PC: variants seen among roughly 807,000 people sequenced by gnomAD.
The protein encoded by PC is pyruvate carboxylase, mitochondrial.
Under a neutral mutation model 107.8 loss-of-function variants are expected in PC, and 46 were observed. That is an observed-to-expected ratio of 0.43 (90% CI 0.34 to 0.55). The LOEUF (loss-of-function observed/expected upper bound fraction) is 0.55. Ranked by LOEUF, PC falls within the 20% of genes least tolerant of loss-of-function variation. The pLI, the probability that PC is intolerant of heterozygous loss-of-function variation, is 0.04. For missense variants in PC, 1,241 were observed against 1,643.1 expected (o/e 0.76, Z 4.23); for synonymous variants, 662 against 684.7 (o/e 0.97, Z 0.52).
Position 66,872,119 on chromosome 11 carries a change from A to G in PC, c.41T>C (p.Leu14Pro), listed in dbSNP as rs754402090. 8 of 1,578,672 alleles carry G rather than the reference A, an allele frequency of 5.1e-6. No individual in the cohort carries two copies. In the South Asian group the frequency reaches 9.3e-5, roughly 18 times the overall value. Reference protein sequence around the residue: ...FRTVHGGLRLLGIRRTSTAPA... With the variant: ...FRTVHGGLRLPGIRRTSTAPA... ...GGCGGTGGAGGTTCGGCGGATTCCC[A>G]GGAGCCTCAGGCCCCCATGGACTGT... is the stretch of plus-strand genomic sequence containing the variant. The change falls in exon 4 of 23, where the codon CTG (leucine) becomes CCG (proline). Residue 14 changes from leucine to proline, a missense_variant. By Grantham distance (98) the Leu-to-Pro change is moderately conservative. Coordinates refer to ENST00000393960, the MANE Select transcript of PC (RefSeq NM_001040716.2).
intron 3 of PC, among the ~76,000 whole-genome samples, chr11:66,910,661 G>A (rs1256205741): frequency 6.6e-6 from 1 of 152,198 alleles, no homozygotes; most frequent in Non-Finnish European, 1.5e-5. Context: ...GAATAAGGCT[G>A]CAGGGCAGGG....
intron 3 of PC, among the ~76,000 whole-genome samples, chr11:66,943,722 C>G (rs1313287035): frequency 8.3e-6 from 1 of 120,530 alleles, no homozygotes; most frequent in Non-Finnish European, 1.6e-5. Flanking sequence ...CGCCACTGCT[C>G]TCCAGCCTGG....
intron 9 of PC, 90 bp from the exon 10 acceptor site, chr11:66,869,054 T>C: frequency 9.8e-7 from 1 of 1,015,550 alleles, no homozygotes; most frequent in South Asian, 1.4e-5. Context: ...TCCCACCCAT[T>C]GGGTTGGTTC....
At chr11:66,862,056 G>C (rs1445492469) in intron 12 of PC, among the ~76,000 whole-genome samples, 2 of 152,138 alleles carry the variant, frequency 1.3e-5, no homozygotes, top group African/African-American at 4.8e-5. Context: ...GCAGGGGCAG[G>C]CGAGGGGGAT....
At chr11:66,937,771 G>GGTT (rs1949034052) in intron 3 of PC, among the ~76,000 whole-genome samples, 2 of 146,754 alleles carry the variant, frequency 1.4e-5, no homozygotes, top group African/African-American at 5.2e-5. Flanking sequence ...GAATTTCTGG[G>GGTT]TTTTTTTTGT....
intron 11 of PC, among the ~76,000 whole-genome samples, chr11:66,864,382 C>T (rs544272498): frequency 6.6e-6 from 1 of 152,388 alleles, no homozygotes; most frequent in South Asian, 2.1e-4. Flanking sequence ...GCTAAAGGGC[C>T]TCGCCGTGGG....
At chr11:66,908,615 G>A (rs546929851) in intron 3 of PC, among the ~76,000 whole-genome samples, 4 of 152,286 alleles carry the variant, frequency 2.6e-5, no homozygotes, top group African/African-American at 9.6e-5. Context: ...CTTGGAGGAG[G>A]CACAGTCAAT....
intron 2 of PC, among the ~76,000 whole-genome samples, chr11:66,953,485 T>C (rs1378104195): frequency 1.3e-5 from 2 of 152,208 alleles, no homozygotes; most frequent in Non-Finnish European, 2.9e-5. Context: ...GTGTAATCAC[T>C]TTTCGGAGTT....
In PC at chr11:66,863,756, G is replaced by A. The variant is rs1205889515; in HGVS notation, c.1368+18C>T. 6.3e-7 allele frequency: 1 copy of A among 1,599,922 alleles called. No individual in the cohort carries two copies. Among genetic ancestry groups the A allele is most frequent in the South Asian group, 1.1e-5 (1 of 90,402 alleles). Reference sequence around the variant, plus strand: ...CAAGGGCCGGGAGCAAAGGCAGGCGGGGGCTGCAGCCTCTCACCTTCACAC... The same window carrying A: ...CAAGGGCCGGGAGCAAAGGCAGGCGAGGGCTGCAGCCTCTCACCTTCACAC... On this transcript the variant is annotated intron_variant, in intron 12 of 22. Transcript: ENST00000393960.
chr11:66,873,445 T>TATAA (rs1946831456), intron 3 of PC, among the ~76,000 whole-genome samples: 2 of 86,652 alleles, frequency 2.3e-5, no homozygotes, highest in Non-Finnish European at 4.2e-5. Context: ...ATATATTATA[T>TATAA]TATATATAAA....
At chr11:66,856,616 G>A (rs1339053909) in intron 12 of PC, 1 of 152,654 alleles carries the variant, frequency 6.6e-6, no homozygotes, top group East Asian at 1.9e-4. Flanking sequence ...GCAACAGTGC[G>A]GGTTTGCGCT....
Position 66,958,339 on chromosome 11 carries a change from T to C in PC, c.-245A>G, listed in dbSNP as rs574776224. On this transcript the variant is annotated 5_prime_UTR_variant, in exon 1 of 23. Coordinates refer to ENST00000393960, the MANE Select transcript of PC (RefSeq NM_001040716.2). The stretch of plus-strand genomic sequence containing the variant: ...ACACTCACCTCCTCGCCGTCGCCAG[T>C]CCTCGCCGCCGCCTCTACCGCTGCT... 6.6e-6 allele frequency: 1 copy of C among 152,542 alleles called. No individual in the cohort carries two copies. Among genetic ancestry groups the C allele is most frequent in the South Asian group, 2.1e-4 (1 of 4,836 alleles). 9.4% of individuals were successfully genotyped at this position (152,542 alleles called of 1,614,324 possible).
chr11:66,851,111 A>T lies in PC; in HGVS notation c.2152T>A (p.Tyr718Asn). The T allele has an allele frequency of 6.2e-7, 1 of 1,613,298 alleles. No individual in the cohort carries two copies. The highest frequency in any genetic ancestry group is 8.5e-7 in the Non-Finnish European group (1 of 1,180,018). ...AAGCCCATGTAGTACTGCAGTGAGT[A>T]CTTGGTGCGGCTGGGGTCGGCCACG... ...GDVADPSRTKYSLQYYMGLAE... is the reference protein window; with the variant it reads ...GDVADPSRTKNSLQYYMGLAE... The change falls in exon 17 of 23, where the codon TAC becomes AAC. Residue 718 changes from tyrosine (Y) to asparagine (N), a missense_variant. This residue lies in a region of PC where 1,143 missense variants were observed against 1,551.9 expected (regional missense o/e 0.74). Coordinates refer to ENST00000393960, the MANE Select transcript of PC (RefSeq NM_001040716.2).
In PC at chr11:66,879,392, G is replaced by A. The variant is rs149800992; in HGVS notation, c.1-7233C>T. On this transcript the variant is annotated intron_variant, in intron 3 of 22. Coordinates refer to ENST00000393960, the MANE Select transcript of PC (RefSeq NM_001040716.2). ...AGAAACCTGTCCCCAACATTCCTCT[G>A]CAAAGGAAGACCCACCCCAAACAAA... 1.3e-4 allele frequency among the ~76,000 whole-genome samples: 20 copies of A among 152,310 alleles called. No individual in the cohort carries two copies. In the East Asian group the frequency reaches 3.9e-3, roughly 29 times the overall value.
chr11:66,851,281 C>T lies in PC; in HGVS notation c.1983-1G>A. 1 of 1,600,296 alleles carries T rather than the reference C, an allele frequency of 6.2e-7. No homozygotes were observed. The highest frequency in any genetic ancestry group is 8.5e-7 in the Non-Finnish European group (1 of 1,179,946). ...ATTCTCTTTGGCCACTTCACAGAAC[C>T]TGCAAGGGTGAGAGAGCCCAGGGCT... On this transcript the variant is annotated splice_acceptor_variant, in intron 16 of 22. Transcript: ENST00000393960. LOFTEE classifies it high-confidence loss of function.
chr11:66,895,621 A>G (rs1047528383), intron 3 of PC, among the ~76,000 whole-genome samples: 1 of 152,238 alleles, frequency 6.6e-6, no homozygotes, highest in South Asian at 2.1e-4. Context: ...AAAAAATACA[A>G]TAAGACAAAG....
intron 3 of PC, among the ~76,000 whole-genome samples, chr11:66,899,525 T>C (rs9971487): frequency 0.25 from 37,927 of 151,384 alleles, 4,775 homozygotes; most frequent in Middle Eastern, 0.34. Context: ...AAGTAGCTAG[T>C]TTTTTTTTCC....
intron 3 of PC, among the ~76,000 whole-genome samples, chr11:66,930,640 G>A (rs1283281150): frequency 2.0e-5 from 3 of 151,762 alleles, no homozygotes; most frequent in Non-Finnish European, 4.4e-5. Context: ...TACTTGGGAG[G>A]TTGAGACAGG....
rs1404122365 is a variant in PC at position 66,848,991 on chromosome 11, CCA to C, written c.3443_3444del (p.Val1148GlyfsTer23). Reference sequence around the variant, plus strand: ...ACAGTACCCTCCATGGGTGAGGTCACCACAGTCTCCATCTTCATGGCACTGAG... The same window carrying C: ...ACAGTACCCTCCATGGGTGAGGTCACCAGTCTCCATCTTCATGGCACTGAG... ...CVLSAMKMET[V>X]VTSPMEGTVR... On this transcript the variant is annotated frameshift_variant, in exon 23 of 23. Transcript: ENST00000393960. LOFTEE classifies it high-confidence loss of function. 3 of 1,614,126 alleles carry C rather than the reference CCA, an allele frequency of 1.9e-6. No individual in the cohort carries two copies. The highest frequency in any genetic ancestry group is 1.3e-5 in the African/African-American group (1 of 75,074).
Sources: gnomAD v4.1 joint callset for allele counts (sites outside exome capture counted in the v4.1 genomes callset) on GRCh38, gnomAD v4.1.1 for gene constraint, gnomAD v4.1.1 regional missense constraint, MANE v1.5 for transcripts, NCBI Gene and HGNC (gene_info 2026-07-23, HGNC 2026-07-21) for gene names.